Variants in IL1R1 observed in about 807,000 individuals in gnomAD.
The protein encoded by IL1R1 is interleukin-1 receptor type 1.
IL1R1 carries 22 observed loss-of-function variants against 50.2 expected under a neutral mutation model. That is an observed-to-expected ratio of 0.44 (90% CI 0.31 to 0.63). The LOEUF is 0.63. Ranked by LOEUF, IL1R1 falls within the 20% of genes least tolerant of loss-of-function variation. The pLI is 0.07. For missense variants in IL1R1, 509 were observed against 676.2 expected, an observed-to-expected ratio of 0.75 and a Z score of 2.74; for synonymous variants, 251 against 236.7, an observed-to-expected ratio of 1.06 and a Z score of -0.55.
At chr2:102,118,632 C>T (rs1008804570) in intron 1 of IL1R1, among the ~76,000 whole-genome samples, 5 of 152,180 alleles carry the variant, frequency 3.3e-5, no homozygotes, top group African/African-American at 1.2e-4. Context: ...AATTGTGGGA[C>T]ACTCGGCTGG....
chr2:102,107,408 C>T (rs13006101), intron 1 of IL1R1, among the ~76,000 whole-genome samples: 32,579 of 151,492 alleles, frequency 0.22, 3,532 homozygotes, highest in Middle Eastern at 0.24. Context: ...AACCAAACGC[C>T]GCATATTCTC....
chr2:102,141,381 C>A (rs1487046060), upstream of IL1R1, among the ~76,000 whole-genome samples: 3 of 152,208 alleles, frequency 2.0e-5, no homozygotes, highest in African/African-American at 7.2e-5. Flanking sequence ...GTGAGACCTT[C>A]TGCTGTATAA....
At chr2:102,160,089 G>T (rs867752118) in intron 3 of IL1R1, among the ~76,000 whole-genome samples, 1 of 152,236 alleles carries the variant, frequency 6.6e-6, no homozygotes, top group Middle Eastern at 3.4e-3. Flanking sequence ...TCTTTGAATA[G>T]AAAATAGTAT....
chr2:102,123,144 C>T (rs1034571895), intron 1 of IL1R1, among the ~76,000 whole-genome samples: 2 of 152,216 alleles, frequency 1.3e-5, no homozygotes, highest in East Asian at 1.9e-4. Flanking sequence ...GGTACTTCTG[C>T]ATTCCGATGC....
chr2:102,172,977 C>T (rs1422006403), intron 9 of IL1R1, 139 bp downstream of exon 9: 5 of 617,030 alleles, frequency 8.1e-6, no homozygotes, highest in Non-Finnish European at 1.4e-5. Flanking sequence ...TTCTCTTTTA[C>T]TCTTCTGCTG....
intron 1 of IL1R1, among the ~76,000 whole-genome samples, chr2:102,134,382 CT>C (rs11372238): frequency 9.1e-4 from 133 of 145,496 alleles, no homozygotes; most frequent in Admixed American, 1.0e-3. Flanking sequence ...TCTTTTCTTT[CT>C]TTTTTTTTTT....
chr2:102,173,642 C>T lies in IL1R1; in HGVS notation c.991+804C>T, dbSNP rs181670387. 1.6e-4 allele frequency among the ~76,000 whole-genome samples: 24 copies of T among 152,138 alleles called. No homozygotes were observed. The East Asian group carries it at 3.5e-3, about 22-fold the overall frequency. ...TACAATGTTCATAGATTGAAAGACT[C>T]GATATTATGAAGATATCAGTTCTTC... On this transcript the variant is annotated intron_variant, in intron 9 of 11. Transcript: ENST00000410023.
intron 1 of IL1R1, among the ~76,000 whole-genome samples, chr2:102,074,401 A>ATCTGCCCATGTCATCTCTGGGCCTC (rs1678872378): frequency 1.2e-5 from 1 of 85,332 alleles, no homozygotes; most frequent in Non-Finnish European, 2.1e-5. Flanking sequence ...GACTGGGCCT[A>ATCTGCCCATGTCATCTCTGGGCCTC]TCTGCCCATG....
chr2:102,140,105 C>T (rs566924427), upstream of IL1R1, among the ~76,000 whole-genome samples: 1 of 152,298 alleles, frequency 6.6e-6, no homozygotes, highest in South Asian at 2.1e-4. Flanking sequence ...ATACATTCTT[C>T]TGTACTCCGT....
At chr2:102,126,162 C>T (rs540219014) in intron 1 of IL1R1, among the ~76,000 whole-genome samples, 1 of 152,272 alleles carries the variant, frequency 6.6e-6, no homozygotes, top group Admixed American at 6.5e-5. Flanking sequence ...AAATGTATTA[C>T]CTTAGCTATA....
chr2:102,125,970 A>C (rs1681689368), intron 1 of IL1R1, among the ~76,000 whole-genome samples: 1 of 152,196 alleles, frequency 6.6e-6, no homozygotes, highest in African/African-American at 2.4e-5. Context: ...AAAATCAAAG[A>C]AGAAAATAGT....
At chr2:102,141,324 A>G (rs1047660218), upstream of IL1R1, among the ~76,000 whole-genome samples, 2 of 152,214 alleles carry the variant, frequency 1.3e-5, no homozygotes, top group South Asian at 2.1e-4. Context: ...ACTGATCTGA[A>G]CACAGGAGTG....
chr2:102,163,242 T>C (rs1684883447), intron 3 of IL1R1, among the ~76,000 whole-genome samples: 1 of 152,224 alleles, frequency 6.6e-6, no homozygotes, highest in South Asian at 2.1e-4. Flanking sequence ...TTTCTTTTGC[T>C]TGGGGTTCAT....
At position 102,151,744 on chromosome 2, in the gene IL1R1, G is replaced by A. The variant is rs574807317; in HGVS notation, c.-83-2197G>A. Among the ~76,000 whole-genome samples, 5 of 152,340 alleles carry A rather than the reference G, an allele frequency of 3.3e-5. 2 individuals carry two copies. Among genetic ancestry groups the A allele is most frequent in the African/African-American group, 1.2e-4 (5 of 41,584 alleles). On this transcript the variant is annotated intron_variant, in intron 1 of 11. Transcript: ENST00000410023. ...GCAGATGTCTGCAAGGGCGCTGTGG[G>A]AAGCTTCTGATCAGAATCAGCTCTG... is the stretch of plus-strand genomic sequence containing the variant.
intron 1 of IL1R1, among the ~76,000 whole-genome samples, chr2:102,114,447 G>A (rs1380756449): frequency 1.3e-5 from 2 of 152,214 alleles, no homozygotes; most frequent in African/African-American, 2.4e-5. Context: ...GTGAAGGAAT[G>A]TGTACTGGAA....
intron 1 of IL1R1, among the ~76,000 whole-genome samples, chr2:102,152,120 G>A (rs534743802): frequency 1.9e-4 from 29 of 152,062 alleles, no homozygotes; most frequent in Non-Finnish European, 2.5e-4. Context: ...CATGGTGGTC[G>A]CTTCAGCAAT....
intron 1 of IL1R1, among the ~76,000 whole-genome samples, chr2:102,121,778 T>C (rs1339674032): frequency 6.6e-6 from 1 of 152,218 alleles, no homozygotes; most frequent in Non-Finnish European, 1.5e-5. Flanking sequence ...GGATAGTAGG[T>C]CCTAGTTATT....
Position 102,120,750 on chromosome 2 carries a change from A to T in IL1R1, c.-84+15878A>T, listed in dbSNP as rs767673892. ...AATCCCATTCACTATTATGTTTGTC[A>T]TGTATTATCCCTCCACGCTCTGCAG... On this transcript the variant is annotated intron_variant, in intron 1 of 10. Coordinates refer to the IL1R1 transcript ENST00000409329. Among the ~76,000 whole-genome samples the T allele has an allele frequency of 2.0e-5, 3 of 152,192 alleles. No homozygotes were observed. The East Asian group carries it at 5.8e-4, about 29-fold the overall frequency.
intron 1 of IL1R1, among the ~76,000 whole-genome samples, chr2:102,135,857 T>C (rs1314531498): frequency 6.6e-6 from 1 of 152,188 alleles, no homozygotes; most frequent in Non-Finnish European, 1.5e-5. Flanking sequence ...CTAGTGCAAC[T>C]GAGGGATTAC....
Sources: gnomAD v4.1 joint callset for allele counts (sites outside exome capture counted in the v4.1 genomes callset) on GRCh38, gnomAD v4.1.1 for gene constraint, MANE v1.5 for transcripts, NCBI Gene and HGNC (gene_info 2026-07-23, HGNC 2026-07-21) for gene names.